The following ZNF433 variants were observed in gnomAD, a reference collection of about 807,000 sequenced individuals.
ZNF433 encodes the protein zinc finger protein 433.
In ZNF433, 12 loss-of-function variants were observed where a neutral mutation model predicts 10.6. That is an observed-to-expected ratio of 1.13 (90% CI 0.72 to 1.83). The LOEUF (loss-of-function observed/expected upper bound fraction) is 1.83. Among genes scored for constraint, ZNF433 ranks in the 40% most tolerant of loss-of-function variants. The pLI is 0.00. For missense variants in ZNF433, 737 were observed against 798.0 expected, an observed-to-expected ratio of 0.92 and a Z score of 0.92; for synonymous variants, 272 against 271.3, an observed-to-expected ratio of 1.00 and a Z score of -0.02.
intron 1 of ZNF433, chr19:12,034,470 T>G: frequency 4.7e-6 from 1 of 211,130 alleles, no homozygotes; most frequent in South Asian, 7.6e-5. Context: ...CCTTTAGGAG[T>G]TTCCACATAG....
At position 12,016,075 on chromosome 19, in the gene ZNF433, A is replaced by G; in HGVS notation, c.783T>C (p.His261=). Residue 261 remains histidine, a synonymous_variant, in exon 4 of 4, where the codon CAT becomes CAC. Coordinates refer to ENST00000550507, the MANE Select transcript of ZNF433 (RefSeq NM_001308348.2). ...TATGAGCATGAAGGCATGTGGAACT[A>G]TGGAATGCTTTCCCACATTCATTAC... ...YKCNECGKAF[H]SSTCLHAHKR... 1.9e-6 allele frequency: 3 copies of G among 1,613,848 alleles called. No individual in the cohort carries two copies. The highest frequency in any genetic ancestry group is 1.7e-6 in the Non-Finnish European group (2 of 1,179,948).
At chr19:12,017,493 A>G (rs157183) in intron 3 of ZNF433, among the ~76,000 whole-genome samples, 24,023 of 152,006 alleles carry the variant, frequency 0.16, 4,458 homozygotes, top group African/African-American at 0.46. Flanking sequence ...GTGAGCCACC[A>G]CGCCTGGCGT....
chr19:12,032,435 G>A (rs1433535643), intron 1 of ZNF433, among the ~76,000 whole-genome samples: 11 of 150,590 alleles, frequency 7.3e-5, no homozygotes, highest in East Asian at 1.9e-4. Context: ...TACACTGCCC[G>A]CAGAGAAGAA....
intron 1 of ZNF433, chr19:12,034,867 C>A (rs946112322): frequency 2.2e-6 from 1 of 454,162 alleles, no homozygotes; most frequent in African/African-American, 2.0e-5. Context: ...CCTGCAATTC[C>A]TGTCTCCCTG....
intron 1 of ZNF433, chr19:12,030,183 T>A (rs1974946890): frequency 2.2e-6 from 1 of 447,794 alleles, no homozygotes; most frequent in African/African-American, 2.0e-5. Context: ...ACTTCATAAC[T>A]TCCAGGCTTC....
At position 12,014,730 on chromosome 19, in the gene ZNF433, A is replaced by C. The variant is rs753047612; in HGVS notation, c.*115T>G. On this transcript the variant is annotated 3_prime_UTR_variant, in exon 4 of 4. Transcript: ENST00000550507. Reference sequence around the variant, plus strand: ...TCAACTGCCATTACCACCAACTGGAAGTCTTTTTATTTATTTATTTAATTT... The same window carrying C: ...TCAACTGCCATTACCACCAACTGGACGTCTTTTTATTTATTTATTTAATTT... The C allele has an allele frequency of 5.1e-6, 4 of 784,926 alleles. No individual in the cohort carries two copies. Among genetic ancestry groups the C allele is most frequent in the African/African-American group, 3.5e-5 (2 of 57,194 alleles). 48.6% of individuals were successfully genotyped at this position (784,926 alleles called of 1,614,324 possible). A position where few individuals can be genotyped will look rare whatever the true frequency, so the allele number is the denominator to read the frequency against.
At chr19:12,031,927 TTTTTTCTTTCTC>T (rs1220833159) in intron 1 of ZNF433, among the ~76,000 whole-genome samples, 1 of 150,908 alleles carries the variant, frequency 6.6e-6, no homozygotes, top group African/African-American at 2.5e-5. Flanking sequence ...ACTGTTTTTT[TTTTTTCTTTCTC>T]TTTTTCTTTT....
rs1452982143 is a variant in ZNF433, at chr19:12,015,854, T to C, written c.1004A>G (p.Tyr335Cys). The C allele has an allele frequency of 1.9e-6, 3 of 1,614,062 alleles. No individual in the cohort carries two copies. The highest frequency in any genetic ancestry group is 1.3e-5 in the African/African-American group (1 of 75,048). ...HERTHSRKKP[Y>C]ECKHCGKVLS... is the part of the protein sequence containing the mutation. ...TACTTTCCCACAATGTTTACATTCA[T>C]AGGGTTTTTTCCTAGAGTGGGTTCT... is the stretch of plus-strand genomic sequence containing the variant. Residue 335 changes from tyrosine to cysteine, a missense_variant, in exon 4 of 4, where the codon TAT (tyrosine) becomes TGT (cysteine). Physicochemically the swap from Tyr to Cys is radical, Grantham distance 194. Coordinates refer to ENST00000550507, the MANE Select transcript of ZNF433 (RefSeq NM_001308348.2).
At chr19:12,034,839 C>T (rs1177484509) in intron 1 of ZNF433, 2 of 453,962 alleles carry the variant, frequency 4.4e-6, no homozygotes, top group Non-Finnish European at 8.8e-6. Context: ...CCTTTCCAGG[C>T]ATTGATGCAT....
At chr19:12,030,178 A>G (rs777895060) in intron 1 of ZNF433, 4 of 448,536 alleles carry the variant, frequency 8.9e-6, no homozygotes, top group South Asian at 3.2e-5. Flanking sequence ...CATGGACTTC[A>G]TAACTTCCAG....
intron 1 of ZNF433, among the ~76,000 whole-genome samples, chr19:12,020,780 A>G (rs954313518): frequency 2.0e-5 from 3 of 151,670 alleles, no homozygotes; most frequent in Non-Finnish European, 4.4e-5. Flanking sequence ...AGCTGAGTGT[A>G]GTGATGCGCG....
intron 1 of ZNF433, chr19:12,026,831 A>G (rs1345694047): frequency 5.9e-5 from 27 of 453,972 alleles, no homozygotes; most frequent in African/African-American, 4.0e-5. Context: ...CCATGGCCAC[A>G]CTATGTTCAG....
In ZNF433 at chr19:12,016,402, G is replaced by C; in HGVS notation, c.456C>G (p.Ser152=). 2 of 1,614,096 alleles carry C rather than the reference G, an allele frequency of 1.2e-6. No homozygotes were observed. The highest frequency in any genetic ancestry group is 2.2e-5 in the South Asian group (2 of 91,074). Residue 152 remains serine (S), a synonymous_variant, in exon 4 of 4, where the codon TCC becomes TCG. Coordinates refer to ENST00000550507, the MANE Select transcript of ZNF433 (RefSeq NM_001308348.2). ...KYCKKPFNCL[S]SVQTHERAHS... ...GAGCCCTTTCATGTGTCTGAACAGA[G>C]GAGAGACAGTTGAAAGGTTTTTTAC...
At chr19:12,034,887 A>C (rs1236801470) in intron 1 of ZNF433, 1 of 454,538 alleles carries the variant, frequency 2.2e-6, no homozygotes, top group Admixed American at 2.3e-5. Context: ...GAAATGAATA[A>C]AAACAGTCTT....
rs182208314 is a variant in ZNF433 at position 12,018,224 on chromosome 19, G to A, written c.72C>T (p.Ser24=). ...TQEEWALLDP[S]QKNLCRDVMQ... The stretch of plus-strand genomic sequence containing the variant: ...TCACATCTCTACAGAGATTTTTCTG[G>A]GAAGGATCCAGCAAAGCCCACTCCT... Residue 24 remains serine, a synonymous_variant, in exon 2 of 4, where the codon TCC becomes TCT. Transcript: ENST00000550507. 1.9e-6 allele frequency: 3 copies of A among 1,612,548 alleles called. No homozygotes were observed. Among genetic ancestry groups the A allele is most frequent in the East Asian group, 2.2e-5 (1 of 44,836 alleles).
Position 12,014,813 on chromosome 19 carries a change from G to C in ZNF433, c.*32C>G, listed in dbSNP as rs1285444549. ...GGTCTTGAACTCCTGGGCTTAAGCA[G>C]TCCCCCCACCTCAGCCTCCTAAAGC... is the stretch of plus-strand genomic sequence containing the variant. On this transcript the variant is annotated 3_prime_UTR_variant, in exon 4 of 4. Coordinates refer to ENST00000550507, the MANE Select transcript of ZNF433 (RefSeq NM_001308348.2). The C allele has an allele frequency of 1.2e-5, 18 of 1,484,816 alleles. No individual in the cohort carries two copies. Among genetic ancestry groups the C allele is most frequent in the Non-Finnish European group, 1.5e-5 (17 of 1,113,406 alleles). 92.0% of individuals were successfully genotyped at this position (1,484,816 alleles called of 1,614,324 possible).
At chr19:12,029,819 C>G (rs1055722943) in intron 1 of ZNF433, among the ~76,000 whole-genome samples, 3 of 151,870 alleles carry the variant, frequency 2.0e-5, no homozygotes, top group Non-Finnish European at 2.9e-5. Context: ...CGGTGGCTCA[C>G]ACATGTAATC....
intron 3 of ZNF433, among the ~76,000 whole-genome samples, chr19:12,016,955 T>G (rs1179220350): frequency 1.3e-5 from 2 of 152,178 alleles, no homozygotes; most frequent in East Asian, 3.9e-4. Context: ...TTGGCCAGAC[T>G]GGTCTTGAAC....
At chr19:12,017,851 T>A (rs913862870) in intron 3 of ZNF433, 25 bp downstream of exon 3, 2 of 1,425,716 alleles carry the variant, frequency 1.4e-6, no homozygotes, top group East Asian at 2.4e-5. Context: ...GAGACACACG[T>A]CTTTGTCATG....
Sources: allele counts gnomAD v4.1 joint callset (sites outside exome capture counted in the v4.1 genomes callset), GRCh38; gene constraint gnomAD v4.1.1; transcripts MANE v1.5; gene names NCBI Gene and HGNC (gene_info 2026-07-23, HGNC 2026-07-21).